TCF12: variants seen among roughly 807,000 people sequenced by gnomAD.
TCF12 encodes the protein transcription factor 12, also known as DNA-binding protein HTF4.
In TCF12, 45 loss-of-function variants were observed where a neutral mutation model predicts 86.0. The ratio of observed to expected loss-of-function variants is 0.52; its 90% CI spans 0.41 to 0.67. The LOEUF is 0.67. TCF12 is among the 30% of genes least tolerant of loss of function. The pLI is 0.00. For missense variants in TCF12, 881 were observed against 859.9 expected (o/e 1.02, Z -0.31); for synonymous variants, 330 against 299.6 (o/e 1.10, Z -1.05).
chr15:57,275,359 T>TAC (rs142758945), intron 19 of TCF12, among the ~76,000 whole-genome samples: 509 of 22,456 alleles, frequency 0.023, 3 homozygotes, highest in South Asian at 0.03. Context: ...TGTGTGTGTG[T>TAC]GTGTACGTAT....
rs529653158 is a variant in TCF12, at chr15:57,093,463, T to A, written c.325+1572T>A. Among the ~76,000 whole-genome samples the A allele has an allele frequency of 2.0e-5, 3 of 152,372 alleles. No individual in the cohort carries two copies. In the South Asian group the frequency reaches 6.2e-4, roughly 32 times the overall value. ...TCAGAAATTGCTCTTTTTGTATTTA[T>A]GTTCTTACCTTTATTCTTCACTCAT... On this transcript the variant is annotated intron_variant, in intron 5 of 20. Transcript: ENST00000333725.
At chr15:57,232,911 C>A in intron 11 of TCF12, 55 bp downstream of exon 11, 1 of 1,348,508 alleles carries the variant, frequency 7.4e-7, no homozygotes, top group Non-Finnish European at 9.8e-7. Flanking sequence ...TTCAGTGACC[C>A]CGATATCTTT....
intron 8 of TCF12, chr15:57,219,240 G>T (rs1279983887): frequency 8.8e-7 from 1 of 1,139,632 alleles, no homozygotes; most frequent in Admixed American, 4.5e-5. Flanking sequence ...TTTATTTAGC[G>T]CTTAAAAGTG....
intron 5 of TCF12, among the ~76,000 whole-genome samples, chr15:57,128,085 C>T (rs1181991002): frequency 6.6e-6 from 1 of 152,138 alleles, no homozygotes; most frequent in Non-Finnish European, 1.5e-5. Flanking sequence ...GAGTTCTGTG[C>T]AGTTGTACAT....
intron 12 of TCF12, among the ~76,000 whole-genome samples, chr15:57,241,516 A>G (rs1361415214): frequency 6.6e-6 from 1 of 152,200 alleles, no homozygotes; most frequent in East Asian, 1.9e-4. Flanking sequence ...GATCCTGAAA[A>G]TAGAGTATAC....
chr15:56,936,066 A>G (rs564979816), intron 3 of TCF12, among the ~76,000 whole-genome samples: 2 of 152,320 alleles, frequency 1.3e-5, no homozygotes, highest in East Asian at 3.9e-4. Flanking sequence ...AGGAATCACC[A>G]CACTGTTTTC....
intron 4 of TCF12, among the ~76,000 whole-genome samples, chr15:57,069,938 C>G (rs2069222918): frequency 6.6e-6 from 1 of 152,186 alleles, no homozygotes; most frequent in African/African-American, 2.4e-5. Flanking sequence ...TAAAATCAAG[C>G]TGTCTTGGGT....
At chr15:57,179,361 A>C (rs1270441581) in intron 6 of TCF12, among the ~76,000 whole-genome samples, 1 of 151,990 alleles carries the variant, frequency 6.6e-6, no homozygotes. Context: ...GATGGTGTGC[A>C]CCTGTAGTCC....
chr15:57,006,736 G>A (rs1346290764), intron 3 of TCF12, among the ~76,000 whole-genome samples: 1 of 145,670 alleles, frequency 6.9e-6, no homozygotes, highest in East Asian at 2.0e-4. Context: ...GGCCAACACA[G>A]CGAAACCCCA....
At chr15:57,164,506 C>T (rs1009309372) in intron 5 of TCF12, among the ~76,000 whole-genome samples, 1 of 151,998 alleles carries the variant, frequency 6.6e-6, no homozygotes, top group Admixed American at 6.6e-5. Flanking sequence ...CTTGTGAGAA[C>T]TCACTATCAT....
chr15:57,247,121 G>A (rs1214796938), intron 13 of TCF12: 15 of 569,854 alleles, frequency 2.6e-5, no homozygotes, highest in Middle Eastern at 4.3e-4. Flanking sequence ...AGTTACCACC[G>A]CCAAAATTTC....
intron 3 of TCF12, among the ~76,000 whole-genome samples, chr15:56,957,064 G>C (rs1033797738): frequency 3.9e-5 from 6 of 152,152 alleles, no homozygotes; most frequent in Non-Finnish European, 5.9e-5. Flanking sequence ...CTTGCTCTCT[G>C]TCTGTTGTCC....
chr15:57,252,465 A>G lies in TCF12; in HGVS notation c.1233A>G (p.Ala411=). ...EQQLHEHLQD[A]MSFLKDVCEQ... ...AACTTCACGAGCATTTGCAAGATGC[A>G]ATGTCCTTCTTAAAGGATGTCTGTG... Residue 411 remains alanine, a synonymous_variant, in exon 15 of 21, where the codon GCA becomes GCG. Coordinates refer to ENST00000333725, the MANE Select transcript of TCF12 (RefSeq NM_207037.2). 1.2e-6 allele frequency: 2 copies of G among 1,613,972 alleles called. No individual in the cohort carries two copies. The highest frequency in any genetic ancestry group is 1.7e-6 in the Non-Finnish European group (2 of 1,179,910).
rs1422431538 is a variant in TCF12, at chr15:57,223,653, T to TTTTTGTTTTGTTTTTG, written c.580-7495_580-7494insGTTTTGTTTTTGTTTT. On this transcript the variant is annotated intron_variant, in intron 8 of 20. Transcript: ENST00000333725. ...CTGCCTACCAATGAGGTTTTTTTTT[T>TTTTTGTTTTGTTTTTG]TTTTTTTTTTTTTTTTTTAGAAATA... Among the ~76,000 whole-genome samples the TTTTTGTTTTGTTTTTG allele has an allele frequency of 1.3e-3, 177 of 135,376 alleles. 2 individuals are homozygous for TTTTTGTTTTGTTTTTG. Among genetic ancestry groups the TTTTTGTTTTGTTTTTG allele is most frequent in the African/African-American group, 4.8e-3 (175 of 36,250 alleles). The allele number at this position is 135,376 out of a possible 152,430, so 88.8% of individuals were successfully genotyped here. A position where few individuals can be genotyped will look rare whatever the true frequency, so the allele number is the denominator to read the frequency against.
chr15:57,064,665 G>A (rs1349882783), intron 4 of TCF12, among the ~76,000 whole-genome samples: 2 of 151,588 alleles, frequency 1.3e-5, no homozygotes, highest in Non-Finnish European at 2.9e-5. Context: ...GCGTGGGGGT[G>A]GGCATCTGTA....
rs1429390952 is a variant in TCF12 at position 56,950,641 on chromosome 15, T to G, written c.148+29543T>G. 1.3e-5 allele frequency among the ~76,000 whole-genome samples: 2 copies of G among 152,140 alleles called. 1 individual carries two copies. Among genetic ancestry groups the G allele is most frequent in the Non-Finnish European group, 2.9e-5 (2 of 68,028 alleles). Reference sequence around the variant, plus strand: ...GTACCAATAGTTTATTCTTATTTCTTAATTGTAATTCATATATCACAATTT... The same window carrying G: ...GTACCAATAGTTTATTCTTATTTCTGAATTGTAATTCATATATCACAATTT... On this transcript the variant is annotated intron_variant, in intron 3 of 20. Coordinates refer to ENST00000333725, the MANE Select transcript of TCF12 (RefSeq NM_207037.2).
intron 3 of TCF12, among the ~76,000 whole-genome samples, chr15:56,953,032 C>G (rs1567156487): frequency 6.6e-6 from 1 of 151,896 alleles, no homozygotes; most frequent in African/African-American, 2.4e-5. Flanking sequence ...CCTTCTATTC[C>G]TAGCTTCTAA....
rs145048429 is a variant in TCF12 at position 56,993,805 on chromosome 15, A to C, written c.149-69945A>C. Among the ~76,000 whole-genome samples, 215 of 152,368 alleles carry C rather than the reference A, an allele frequency of 1.4e-3. 5 individuals carry two copies. The East Asian group carries it at 0.027, about 19-fold the overall frequency. On this transcript the variant is annotated intron_variant, in intron 3 of 20. Coordinates refer to ENST00000333725, the MANE Select transcript of TCF12 (RefSeq NM_207037.2). ...TATATTACCAGTGTCCACAGGATTT[A>C]AACAGGAACCAGAGTTTCATAGCAA...
chr15:57,201,063 T>C (rs2057520308), intron 8 of TCF12, among the ~76,000 whole-genome samples: 1 of 152,118 alleles, frequency 6.6e-6, no homozygotes, highest in Non-Finnish European at 1.5e-5. Flanking sequence ...ATAGTGAGCA[T>C]AGTTTTCTTC....
Sources: gnomAD v4.1 joint callset for allele counts (sites outside exome capture counted in the v4.1 genomes callset) on GRCh38, gnomAD v4.1.1 for gene constraint, MANE v1.5 for transcripts, NCBI Gene and HGNC (gene_info 2026-07-23, HGNC 2026-07-21) for gene names.